Variants in ETV3 observed in about 807,000 individuals in gnomAD.
ETV3 encodes ETS translocation variant 3.
A neutral mutation model predicts 33.0 loss-of-function variants in ETV3; 8 were observed. The ratio of observed to expected loss-of-function variants is 0.24; its 90% CI spans 0.14 to 0.44. The LOEUF is 0.44. Ranked by LOEUF, ETV3 falls within the 20% of genes least tolerant of loss-of-function variation. The probability of loss-of-function intolerance (pLI) is 1.00; values close to 1 mark genes in which losing one functional copy is unlikely to be tolerated. For synonymous variants in ETV3, 222 were observed against 238.9 expected, an observed-to-expected ratio of 0.93 and a Z score of 0.65; for missense variants, 473 against 652.3, an observed-to-expected ratio of 0.73 and a Z score of 2.99.
In ETV3 at chr1:157,122,896, T is replaced by G. The variant is rs1571693648; in HGVS notation, c.*1945A>C. On this transcript the variant is annotated 3_prime_UTR_variant, in exon 5 of 5. Coordinates refer to ENST00000368192, the MANE Select transcript of ETV3 (RefSeq NM_001145312.3). Reference sequence around the variant, plus strand: ...TTCCTGGGGAAAGGTAGGTCACTCATGGAATTTGAATCAAACATGGGGGAG... The same window carrying G: ...TTCCTGGGGAAAGGTAGGTCACTCAGGGAATTTGAATCAAACATGGGGGAG... The G allele has an allele frequency of 3.3e-5, 5 of 152,308 alleles. No individual in the cohort carries two copies. The highest frequency in any genetic ancestry group is 3.3e-4 in the Admixed American group (5 of 15,302). The allele number at this position is 152,308 out of a possible 1,614,324, so 9.4% of individuals were successfully genotyped here.
chr1:157,128,499 T>A (rs985552985), intron 4 of ETV3: 15 of 297,398 alleles, frequency 5.0e-5, no homozygotes, highest in African/African-American at 3.1e-4. Flanking sequence ...GGCCACTGGA[T>A]TCTCTTACAC....
At chr1:157,137,735 A>G (rs1675155121) in intron 1 of ETV3, among the ~76,000 whole-genome samples, 1 of 151,864 alleles carries the variant, frequency 6.6e-6, no homozygotes, top group African/African-American at 2.4e-5. Flanking sequence ...ACTCCCTCCA[A>G]CCATCACGAC....
Position 157,122,922 on chromosome 1 carries a change from G to A in ETV3, c.*1919C>T, listed in dbSNP as rs1013996110. On this transcript the variant is annotated 3_prime_UTR_variant, in exon 5 of 5. Coordinates refer to ENST00000368192, the MANE Select transcript of ETV3 (RefSeq NM_001145312.3). ...GGAATTTGAATCAAACATGGGGGAG[G>A]ACACCTGCCAAGCAATAGTATGATG... is the stretch of plus-strand genomic sequence containing the variant. The A allele has an allele frequency of 6.6e-5, 10 of 152,322 alleles. No individual in the cohort carries two copies. In the Middle Eastern group the frequency reaches 0.01, roughly 155 times the overall value. The allele number at this position is 152,322 out of a possible 1,614,324, so 9.4% of individuals were successfully genotyped here. A position where few individuals can be genotyped will look rare whatever the true frequency, so the allele number is the denominator to read the frequency against.
At position 157,135,522 on chromosome 1, in the gene ETV3, C is replaced by T. The variant is rs765692496; in HGVS notation, c.233G>A (p.Arg78His). 22 of 1,613,888 alleles carry T rather than the reference C, an allele frequency of 1.4e-5. No individual in the cohort carries two copies. The highest frequency in any genetic ancestry group is 3.3e-5 in the South Asian group (3 of 91,076). Residue 78 changes from arginine to histidine, a missense_variant, in exon 3 of 5, where the codon CGC (arginine) becomes CAC (histidine). Around this residue, in one of 3 missense-constraint regions of ETV3, gnomAD observed 30 missense variants for 94.9 expected, o/e 0.32. Coordinates refer to ENST00000368192, the MANE Select transcript of ETV3 (RefSeq NM_001145312.3). ...ATTCATCTGTGGTTTGCATTTCCTG[C>T]GGCCCCAGAGGCGGGCCACCTCATC... ...DPDEVARLWGRRKCKPQMNYD... is the reference protein window; with the variant it reads ...DPDEVARLWGHRKCKPQMNYD...
Position 157,124,764 on chromosome 1 carries a change from C to CCCCCCCGAAAA in ETV3, c.*76_*77insTTTTCGGGGGG. The CCCCCCCGAAAA allele has an allele frequency of 4.9e-6, 2 of 405,938 alleles. No homozygotes were observed. The highest frequency in any genetic ancestry group is 4.2e-6 in the Non-Finnish European group (1 of 236,388). 25.1% of individuals were successfully genotyped at this position (405,938 alleles called of 1,614,324 possible). ...TCAAACCAGTTTAACTCCCTCCCCC[C>CCCCCCCGAAAA]CACCCTGAAATCTTGCTACATAAAT... is the stretch of plus-strand genomic sequence containing the variant. On this transcript the variant is annotated 3_prime_UTR_variant, in exon 5 of 5. Transcript: ENST00000368192.
intron 1 of ETV3, among the ~76,000 whole-genome samples, chr1:157,137,651 T>A (rs1675152687): frequency 6.6e-6 from 1 of 151,770 alleles, no homozygotes; most frequent in Non-Finnish European, 1.5e-5. Flanking sequence ...TCCCCACTGC[T>A]CCAGGAAGCT....
chr1:157,131,710 C>G (rs1467089743), intron 4 of ETV3, among the ~76,000 whole-genome samples: 1 of 152,226 alleles, frequency 6.6e-6, no homozygotes, highest in Non-Finnish European at 1.5e-5. Flanking sequence ...GATATCAAGA[C>G]ATTCACTTCA....
At chr1:157,134,940 A>G (rs998509424) in intron 3 of ETV3, among the ~76,000 whole-genome samples, 3 of 152,216 alleles carry the variant, frequency 2.0e-5, no homozygotes, top group African/African-American at 7.2e-5. Context: ...GACAAGGGGA[A>G]AAAAGAACCT....
intron 4 of ETV3, among the ~76,000 whole-genome samples, chr1:157,130,696 A>C (rs1456042548): frequency 6.6e-6 from 1 of 152,208 alleles, no homozygotes; most frequent in Admixed American, 6.5e-5. Flanking sequence ...ATAGGTCAGC[A>C]CAGGGCCTAT....
Position 157,135,744 on chromosome 1 carries a change from G to A in ETV3, c.47-36C>T, listed in dbSNP as rs758630259. 3 of 1,606,610 alleles carry A rather than the reference G, an allele frequency of 1.9e-6. No individual in the cohort carries two copies. The East Asian group carries it at 6.7e-5, about 36-fold the overall frequency. On this transcript the variant is annotated intron_variant, in intron 2 of 4. Transcript: ENST00000368192. The stretch of plus-strand genomic sequence containing the variant: ...AGAAGGTCAAGATTAAGCTAGTTAA[G>A]AGGTAGGTACATACATACCAGCAAC...
At chr1:157,133,343 G>C in intron 4 of ETV3, 1 of 957,506 alleles carries the variant, frequency 1.0e-6, no homozygotes, top group Non-Finnish European at 1.2e-6. Context: ...ATCTACTAGG[G>C]GTCTTAGAAC....
chr1:157,136,491 C>G lies in ETV3; in HGVS notation c.-13-126G>C. ...CTTCTTTCCGTATGCAACTCTCTTT[C>G]TTTCAAACATGTCACCTCCAAACTG... is the stretch of plus-strand genomic sequence containing the variant. On this transcript the variant is annotated intron_variant, in intron 1 of 4. Coordinates refer to ENST00000368192, the MANE Select transcript of ETV3 (RefSeq NM_001145312.3). 3 of 806,238 alleles carry G rather than the reference C, an allele frequency of 3.7e-6. No homozygotes were observed. The South Asian group carries it at 5.5e-5, about 15-fold the overall frequency. The allele number at this position is 806,238 out of a possible 1,614,324, so 49.9% of individuals were successfully genotyped here.
At chr1:157,137,334 C>T (rs928531937) in intron 1 of ETV3, among the ~76,000 whole-genome samples, 7 of 152,030 alleles carry the variant, frequency 4.6e-5, no homozygotes, top group African/African-American at 1.7e-4. Context: ...TAAGTGGCCC[C>T]CGCGTAGGGA....
chr1:157,128,214 A>G (rs1674886498), intron 4 of ETV3: 1 of 157,302 alleles, frequency 6.4e-6, no homozygotes, highest in Non-Finnish European at 1.4e-5. Flanking sequence ...GAGTAACACT[A>G]TGCCAGAGCC....
Position 157,125,915 on chromosome 1 carries a change from C to T in ETV3, c.465G>A (p.Leu155=). The T allele has an allele frequency of 6.4e-7, 1 of 1,551,688 alleles. No individual in the cohort carries two copies. Among genetic ancestry groups the T allele is most frequent in the East Asian group, 2.4e-5 (1 of 40,906 alleles). ...TASSRFHFPP[L]DTHSPTNDVQ... is the part of the protein sequence containing the mutation. ...CATCATTGGTTGGAGAATGGGTGTC[C>T]AGAGGTGGGAAATGGAACCGGGAAG... Residue 155 remains leucine, a synonymous_variant, in exon 5 of 5, where the codon CTG becomes CTA. Coordinates refer to ENST00000368192, the MANE Select transcript of ETV3 (RefSeq NM_001145312.3). This position sits in a 1 kb window ranked among gnomAD's most constrained non-coding sequence, Gnocchi z 4.0.
At position 157,122,840 on chromosome 1, in the gene ETV3, T is replaced by C. The variant is rs1403031326; in HGVS notation, c.*2001A>G. On this transcript the variant is annotated 3_prime_UTR_variant, in exon 5 of 5. Transcript: ENST00000368192. ...CCTGAACGGGGAGCCCTGTGCAGAC[T>C]GAGTTGCTGGAGACTACCCTCTCAG... 1 of 152,246 alleles carries C rather than the reference T, an allele frequency of 6.6e-6. No homozygotes were observed. The highest frequency in any genetic ancestry group is 1.5e-5 in the Non-Finnish European group (1 of 68,056). The allele number at this position is 152,246 out of a possible 1,614,324, so 9.4% of individuals were successfully genotyped here.
chr1:157,125,158 C>A lies in ETV3; in HGVS notation c.1222G>T (p.Gly408Cys). 1 of 1,551,826 alleles carries A rather than the reference C, an allele frequency of 6.4e-7. No homozygotes were observed. Among genetic ancestry groups the A allele is most frequent in the Non-Finnish European group, 8.7e-7 (1 of 1,146,958 alleles). Residue 408 changes from glycine to cysteine, a missense_variant, in exon 5 of 5, where the codon GGC becomes TGC. Around this residue, in one of 3 missense-constraint regions of ETV3, gnomAD observed 410 missense variants for 520.2 expected, o/e 0.79. Coordinates refer to ENST00000368192, the MANE Select transcript of ETV3 (RefSeq NM_001145312.3). The surrounding 1 kb of genome is among the most constrained non-coding windows in gnomAD (Gnocchi z 4.0). ...TCAATGGTCCTGCTTGGCACAGTGC[C>A]CTCTTCTTGAGTGTGCTCCTCCTTC... ...REKEEHTQEE[G>C]TVPSRTIEEE...
At chr1:157,127,083 G>A (rs1231704170) in intron 4 of ETV3, among the ~76,000 whole-genome samples, 4 of 152,228 alleles carry the variant, frequency 2.6e-5, no homozygotes, top group Admixed American at 2.0e-4. Flanking sequence ...CTCTGCTTGG[G>A]CCAAGGCCCC....
At chr1:157,135,209 A>G (rs902160423) in intron 3 of ETV3, 2 of 588,914 alleles carry the variant, frequency 3.4e-6, no homozygotes, top group Admixed American at 3.1e-5. Context: ...CGCCCACTAC[A>G]GAGCAGAATC....
Sources: gnomAD v4.1 joint callset for allele counts (sites outside exome capture counted in the v4.1 genomes callset) on GRCh38, gnomAD v4.1.1 for gene constraint, gnomAD v4.1.1 regional missense constraint, Gnocchi (gnomAD v3.1) non-coding constraint, MANE v1.5 for transcripts, NCBI Gene and HGNC (gene_info 2026-07-23, HGNC 2026-07-21) for gene names.